ADH4: variants seen among roughly 807,000 people sequenced by gnomAD.
The protein encoded by ADH4 is alcohol dehydrogenase 4 (class II), pi polypeptide.
A neutral mutation model predicts 35.2 loss-of-function variants in ADH4; 31 were observed. That is an observed-to-expected ratio of 0.88 (90% CI 0.66 to 1.19). The LOEUF (loss-of-function observed/expected upper bound fraction) is 1.19, where lower values mean the gene tolerates loss of function less well. ADH4 is among the 50% of genes most tolerant of loss of function. ADH4 has a pLI of 0.00. For synonymous variants in ADH4, 171 were observed against 160.2 expected, an observed-to-expected ratio of 1.07 and a Z score of -0.51; for missense variants, 476 against 458.3, an observed-to-expected ratio of 1.04 and a Z score of -0.35.
intron 5 of ADH4, among the ~76,000 whole-genome samples, chr4:99,133,136 T>A (rs546208115): frequency 1.3e-5 from 2 of 152,252 alleles, no homozygotes; most frequent in Admixed American, 1.3e-4. Flanking sequence ...AGTAGTTGGA[T>A]TCTCAGGCTA....
At chr4:99,126,268 A>G (rs541797472) in intron 8 of ADH4, among the ~76,000 whole-genome samples, 111 of 138,990 alleles carry the variant, frequency 8.0e-4, no homozygotes, top group Non-Finnish European at 5.1e-4. Flanking sequence ...TGCTAAACTC[A>G]GGGGTACACT....
At chr4:99,127,722 G>A (rs932428779) in intron 6 of ADH4, among the ~76,000 whole-genome samples, 2 of 151,792 alleles carry the variant, frequency 1.3e-5, no homozygotes, top group Admixed American at 1.3e-4. Flanking sequence ...CCAGCTACTC[G>A]GGAAGCTGAG....
intron 6 of ADH4, among the ~76,000 whole-genome samples, chr4:99,128,060 T>C (rs1406691467): frequency 6.6e-6 from 1 of 151,908 alleles, no homozygotes; most frequent in Admixed American, 6.6e-5. Flanking sequence ...TAACAGCAAC[T>C]GAATCACCTA....
Position 99,136,485 on chromosome 4 carries a change from G to GC in ADH4, c.562dup (p.Ala188GlyfsTer31). 1 of 1,613,912 alleles carries GC rather than the reference G, an allele frequency of 6.2e-7. No homozygotes were observed. Among genetic ancestry groups the GC allele is most frequent in the South Asian group, 1.1e-5 (1 of 91,076 alleles). ...ATTTACCTTGGCATTGTTGATTGCAGCCCCATAGCCAGTTGAAAACCCACA... is the reference window on the plus strand; with the variant it reads ...ATTTACCTTGGCATTGTTGATTGCAGCCCCCATAGCCAGTTGAAAACCCACA... On this transcript the variant is annotated frameshift_variant, in exon 5 of 9. Transcript: ENST00000265512. LOFTEE classifies it high-confidence loss of function.
At chr4:99,133,442 A>G (rs1729346637) in intron 5 of ADH4, 1 of 152,256 alleles carries the variant, frequency 6.6e-6, no homozygotes, top group Non-Finnish European at 1.5e-5. Flanking sequence ...CTCAATAATT[A>G]TACAGAGAAG....
chr4:99,135,843 G>T (rs1729417063), intron 5 of ADH4, among the ~76,000 whole-genome samples: 1 of 152,218 alleles, frequency 6.6e-6, no homozygotes. Flanking sequence ...AGGTTGAGAT[G>T]TCCAATTGTG....
chr4:99,124,768 T>C (rs1729030488), intron 8 of ADH4, among the ~76,000 whole-genome samples: 2 of 152,124 alleles, frequency 1.3e-5, no homozygotes, highest in South Asian at 2.1e-4. Context: ...CAGGTTTTAG[T>C]CTTGGAATAG....
chr4:99,142,121 C>G (rs1335013290), intron 2 of ADH4, among the ~76,000 whole-genome samples: 1 of 152,140 alleles, frequency 6.6e-6, no homozygotes, highest in Admixed American at 6.5e-5. Context: ...TGTACAGACT[C>G]TTAATGTGGG....
At chr4:99,125,869 T>C (rs1473866343) in intron 8 of ADH4, among the ~76,000 whole-genome samples, 1 of 152,208 alleles carries the variant, frequency 6.6e-6, no homozygotes, top group Non-Finnish European at 1.5e-5. Context: ...TGTTGTATCT[T>C]CTCTTTTCAT....
intron 6 of ADH4, among the ~76,000 whole-genome samples, chr4:99,128,818 T>TC (rs1018511380): frequency 7.9e-6 from 1 of 126,408 alleles, no homozygotes; most frequent in East Asian, 2.6e-4. Context: ...TATCTTTTTT[T>TC]TGAGGCAGTC....
chr4:99,143,299 T>C, intron 1 of ADH4: 3 of 696,490 alleles, frequency 4.3e-6, no homozygotes, highest in South Asian at 3.0e-5. Context: ...ATCCACTAAA[T>C]CAAAATCTGC....
intron 5 of ADH4, 24 bp from the exon 6 acceptor site, chr4:99,131,788 T>A: frequency 6.2e-7 from 1 of 1,604,438 alleles, no homozygotes; most frequent in Non-Finnish European, 8.5e-7. Context: ...AATTATAAAG[T>A]AACTTCTAAA....
Position 99,124,059 on chromosome 4 carries a change from A to T in ADH4, c.*383T>A, listed in dbSNP as rs1030547400. The T allele has an allele frequency of 1.1e-5, 2 of 180,550 alleles. No homozygotes were observed. The highest frequency in any genetic ancestry group is 2.3e-5 in the Non-Finnish European group (2 of 88,380). 11.2% of individuals were successfully genotyped at this position (180,550 alleles called of 1,614,324 possible). On this transcript the variant is annotated 3_prime_UTR_variant, in exon 9 of 9. Coordinates refer to ENST00000265512, the MANE Select transcript of ADH4 (RefSeq NM_000670.5). ...TTAGCTCCCAGAAAATTTTCAACAT[A>T]GACAAAAGTGGAGAGAAAAGTATAA...
Position 99,142,176 on chromosome 4 carries a change from G to A in ADH4, c.121-494C>T, listed in dbSNP as rs116652932. ...AGCCTGGTCAGCTTGGGAAAAATGG[G>A]GAAATTGTCCAAACTTGCCATCAGT... On this transcript the variant is annotated intron_variant, in intron 2 of 8. Coordinates refer to ENST00000265512, the MANE Select transcript of ADH4 (RefSeq NM_000670.5). Among the ~76,000 whole-genome samples the A allele has an allele frequency of 2.4e-3, 364 of 152,220 alleles. 4 individuals are homozygous for A. Among genetic ancestry groups the A allele is most frequent in the Non-Finnish European group, 4.0e-3 (269 of 68,010 alleles).
Position 99,127,200 on chromosome 4 carries a change from A to G in ADH4, c.979+9T>C. The G allele has an allele frequency of 6.3e-7, 1 of 1,585,694 alleles. No homozygotes were observed. The highest frequency in any genetic ancestry group is 8.5e-7 in the Non-Finnish European group (1 of 1,170,630). ...AGAATTTAAAGCTATGAAGAAAAAA[A>G]AAACTGACCACCAAAGAATGTTCCA... On this transcript the variant is annotated intron_variant, in intron 7 of 8. Coordinates refer to ENST00000265512, the MANE Select transcript of ADH4 (RefSeq NM_000670.5).
chr4:99,139,291 C>A lies in ADH4; in HGVS notation c.263-143G>T, dbSNP rs2110503121. The A allele has an allele frequency of 5.1e-6, 3 of 583,386 alleles. No individual in the cohort carries two copies. The South Asian group carries it at 7.2e-5, about 14-fold the overall frequency. 36.1% of individuals were successfully genotyped at this position (583,386 alleles called of 1,614,324 possible). A position where few individuals can be genotyped will look rare whatever the true frequency, so the allele number is the denominator to read the frequency against. On this transcript the variant is annotated intron_variant, in intron 3 of 8. Transcript: ENST00000265512. Reference sequence around the variant, plus strand: ...ATAGGTGGCTACAGTATTTCATTACCTTACAAGACTGCAGATTCCCCAACG... The same window carrying A: ...ATAGGTGGCTACAGTATTTCATTACATTACAAGACTGCAGATTCCCCAACG...
chr4:99,142,599 G>T, intron 2 of ADH4, 80 bp downstream of exon 2: 2 of 834,400 alleles, frequency 2.4e-6, no homozygotes, highest in Non-Finnish European at 3.5e-6. Context: ...CTGAATCATA[G>T]CACAGAGGAT....
chr4:99,124,230 A>T lies in ADH4; in HGVS notation c.*212T>A. ...CTAAAGATGATATGATTCTATTCAT[A>T]AACACTAGTTATTATTATTATTTAA... On this transcript the variant is annotated 3_prime_UTR_variant, in exon 9 of 9. Transcript: ENST00000265512. 1 of 450,348 alleles carries T rather than the reference A, an allele frequency of 2.2e-6. No individual in the cohort carries two copies. The highest frequency in any genetic ancestry group is 4.3e-5 in the South Asian group (1 of 23,380). 27.9% of individuals were successfully genotyped at this position (450,348 alleles called of 1,614,324 possible).
chr4:99,136,732 G>A (rs1262848224), intron 4 of ADH4, 35 bp from the exon 5 acceptor site: 2 of 1,372,596 alleles, frequency 1.5e-6, no homozygotes, highest in African/African-American at 1.4e-5. Flanking sequence ...TACAAATAAA[G>A]AGAAGTTATA....
Sources: allele counts gnomAD v4.1 joint callset (sites outside exome capture counted in the v4.1 genomes callset), GRCh38; gene constraint gnomAD v4.1.1; transcripts MANE v1.5; gene names NCBI Gene and HGNC (gene_info 2026-07-23, HGNC 2026-07-21).